Variants in HSF2BP observed in about 807,000 individuals in gnomAD.
The protein encoded by HSF2BP is heat shock factor 2-binding protein.
Under a neutral mutation model 35.0 loss-of-function variants are expected in HSF2BP, and 35 were observed. The ratio of observed to expected loss-of-function variants is 1.00; its 90% CI spans 0.76 to 1.32. HSF2BP has a LOEUF of 1.32. HSF2BP is among the 40% of genes most tolerant of loss of function. The pLI is 0.00. For missense variants in HSF2BP, 326 were observed against 321.7 expected (o/e 1.01, Z -0.10); for synonymous variants, 114 against 117.4 (o/e 0.97, Z 0.18).
At chr21:43,585,991 T>C (rs999579136) in intron 8 of HSF2BP, among the ~76,000 whole-genome samples, 11 of 152,180 alleles carry the variant, frequency 7.2e-5, no homozygotes. Flanking sequence ...AAGGCACAAA[T>C]CTGGAGAACC....
At chr21:43,599,995 G>C (rs899528861) in intron 7 of HSF2BP, among the ~76,000 whole-genome samples, 1 of 151,832 alleles carries the variant, frequency 6.6e-6, no homozygotes, top group Non-Finnish European at 1.5e-5. Context: ...GATCATCTAA[G>C]ACACATCTGA....
At chr21:43,658,604 T>C (rs1455001253) in intron 1 of HSF2BP, among the ~76,000 whole-genome samples, 1 of 152,194 alleles carries the variant, frequency 6.6e-6, no homozygotes, top group Non-Finnish European at 1.5e-5. Context: ...CCTAGTCCAT[T>C]AACTTGCCCC....
chr21:43,495,971 C>T, the HSF2BP span, among the ~76,000 whole-genome samples: 1 of 117,724 alleles, frequency 8.5e-6, no homozygotes, highest in African/African-American at 3.2e-5. Context: ...CAGAGAGCAC[C>T]CAGGCCAGCC....
At chr21:43,638,696 T>C (rs1006808134) in intron 4 of HSF2BP, among the ~76,000 whole-genome samples, 3 of 152,228 alleles carry the variant, frequency 2.0e-5, no homozygotes, top group Non-Finnish European at 4.4e-5. Context: ...TGTTTATGAA[T>C]TGAAAGATTC....
At position 43,639,155 on chromosome 21, in the gene HSF2BP, A is replaced by C. The variant is rs554021637; in HGVS notation, c.291+5134T>G. Among the ~76,000 whole-genome samples the C allele has an allele frequency of 7.2e-5, 11 of 152,378 alleles. No homozygotes were observed. The South Asian group carries it at 2.3e-3, about 32-fold the overall frequency. On this transcript the variant is annotated intron_variant, in intron 4 of 8. Transcript: ENST00000291560. ...TACCTTCTACAAAAATTAACTCAAAATGAATCATAGACTTAAATGTAAAAT... is the reference window on the plus strand; with the variant it reads ...TACCTTCTACAAAAATTAACTCAAACTGAATCATAGACTTAAATGTAAAAT...
intron 7 of HSF2BP, among the ~76,000 whole-genome samples, chr21:43,605,857 A>G (rs2082129125): frequency 6.7e-6 from 1 of 150,206 alleles, no homozygotes; most frequent in Non-Finnish European, 1.5e-5. Context: ...ATACACATAC[A>G]CCACACCCAA....
At position 43,630,424 on chromosome 21, in the gene HSF2BP, C is replaced by T. The variant is rs200214253; in HGVS notation, c.472G>A (p.Gly158Ser). The T allele has an allele frequency of 1.5e-5, 24 of 1,612,486 alleles. No individual in the cohort carries two copies. The East Asian group carries it at 5.1e-4, about 35-fold the overall frequency. ...TTCACAAAACTCTCCATTGTTTGAC[C>T]AGTGATGCTGAAAAACTTCAAAGCT... ...DKALKFFSIT[G>S]QTMESFVKSL... The change falls in exon 6 of 9, where the codon GGT (glycine) becomes AGT (serine). Residue 158 changes from glycine to serine, a missense_variant. By Grantham distance (56) the Gly-to-Ser change is moderately conservative (BLOSUM62 0). Coordinates refer to ENST00000291560, the MANE Select transcript of HSF2BP (RefSeq NM_007031.2).
intron 4 of HSF2BP, 94 bp downstream of exon 4, chr21:43,644,195 G>C: frequency 1.2e-6 from 1 of 823,654 alleles, no homozygotes; most frequent in East Asian, 2.5e-5. Flanking sequence ...AGGATTAAGA[G>C]TAAAAAATTC....
In HSF2BP at chr21:43,655,333, C is replaced by T. The variant is rs186505733; in HGVS notation, c.187+1254G>A. On this transcript the variant is annotated intron_variant, in intron 3 of 8. Coordinates refer to ENST00000291560, the MANE Select transcript of HSF2BP (RefSeq NM_007031.2). ...GACCTGGCATTCTGGCAACCAATGA[C>T]ACGCCATGTATCTGGCAGAGTCCCA... 1.5e-3 allele frequency among the ~76,000 whole-genome samples: 232 copies of T among 152,298 alleles called. 2 individuals carry two copies. Among genetic ancestry groups the T allele is most frequent in the African/African-American group, 5.3e-3 (221 of 41,560 alleles).
At chr21:43,580,792 C>A (rs2081716998) in intron 8 of HSF2BP, among the ~76,000 whole-genome samples, 2 of 152,184 alleles carry the variant, frequency 1.3e-5, no homozygotes, top group Admixed American at 6.5e-5. Flanking sequence ...TATCAAATGG[C>A]CATCCACAGC....
intron 4 of HSF2BP, among the ~76,000 whole-genome samples, chr21:43,635,154 G>T (rs890131099): frequency 6.6e-6 from 1 of 151,750 alleles, no homozygotes; most frequent in Non-Finnish European, 1.5e-5. Flanking sequence ...ATTTTTTAAG[G>T]TGCAAGACCT....
chr21:43,600,698 T>A (rs1261567884), intron 7 of HSF2BP, among the ~76,000 whole-genome samples: 1 of 152,184 alleles, frequency 6.6e-6, no homozygotes, highest in South Asian at 2.1e-4. Flanking sequence ...ATCTATTATG[T>A]TACAATGAAG....
At chr21:43,647,928 C>CAAAAAA (rs774339620) in intron 3 of HSF2BP, among the ~76,000 whole-genome samples, 1 of 76,806 alleles carries the variant, frequency 1.3e-5, no homozygotes, top group Non-Finnish European at 2.9e-5. Context: ...GACTTCATCT[C>CAAAAAA]AAAAAAAAAA....
In HSF2BP at chr21:43,658,181, G is replaced by T; in HGVS notation, c.-85C>A. The T allele has an allele frequency of 7.1e-7, 1 of 1,401,358 alleles. No homozygotes were observed. The allele number at this position is 1,401,358 out of a possible 1,614,324, so 86.8% of individuals were successfully genotyped here. On this transcript the variant is annotated 5_prime_UTR_variant, in exon 2 of 9. Transcript: ENST00000291560. The stretch of plus-strand genomic sequence containing the variant: ...CCAGAAAGCGCGGGAACGAATCCAC[G>T]CCGGGGGTCGGGAACGGAGAGCCGC...
chr21:43,641,915 CAA>C (rs60587366), intron 4 of HSF2BP, among the ~76,000 whole-genome samples: 7 of 114,052 alleles, frequency 6.1e-5, no homozygotes, highest in Non-Finnish European at 7.2e-5. Context: ...GACTCTGTCT[CAA>C]AAAAAAAAAA....
intron 7 of HSF2BP, among the ~76,000 whole-genome samples, chr21:43,609,233 T>C (rs1015715958): frequency 6.6e-6 from 1 of 152,016 alleles, no homozygotes; most frequent in African/African-American, 2.4e-5. Flanking sequence ...AAACCCTTGG[T>C]ATACGCGGAC....
At chr21:43,586,667 G>C (rs754359466) in intron 8 of HSF2BP, among the ~76,000 whole-genome samples, 37 of 152,104 alleles carry the variant, frequency 2.4e-4, no homozygotes, top group Admixed American at 4.6e-4. Flanking sequence ...TCACAAGCAG[G>C]AAAGCTGCAA....
At chr21:43,594,336 G>A (rs2081960138) in intron 7 of HSF2BP, among the ~76,000 whole-genome samples, 1 of 152,120 alleles carries the variant, frequency 6.6e-6, no homozygotes, top group Admixed American at 6.5e-5. Flanking sequence ...AGTAAACACT[G>A]GGGGGTAAAA....
intron 8 of HSF2BP, among the ~76,000 whole-genome samples, chr21:43,585,346 C>T (rs1019385877): frequency 5.3e-5 from 8 of 152,058 alleles, no homozygotes; most frequent in African/African-American, 1.9e-4. Flanking sequence ...TGTCTCACTC[C>T]GCATTTTGAC....
Sources: gnomAD v4.1 joint callset for allele counts (sites outside exome capture counted in the v4.1 genomes callset) on GRCh38, gnomAD v4.1.1 for gene constraint, MANE v1.5 for transcripts, NCBI Gene and HGNC (gene_info 2026-07-23, HGNC 2026-07-21) for gene names.